COX7C: variants seen among roughly 807,000 people sequenced by gnomAD.
COX7C encodes the protein cytochrome c oxidase subunit 7C.
In COX7C, 1 loss-of-function variant was observed where a neutral mutation model predicts 6.4. That is an observed-to-expected ratio of 0.16 (90% confidence interval 0.06 to 0.74). COX7C has a LOEUF of 0.74. Among genes scored for constraint, COX7C ranks in the 30% least tolerant of loss-of-function variants. The probability of loss-of-function intolerance (pLI) is 0.78; values close to 1 mark genes in which losing one functional copy is unlikely to be tolerated. For synonymous variants in COX7C, 24 were observed against 28.9 expected, an observed-to-expected ratio of 0.83 and a Z score of 0.54; for missense variants, 54 against 73.7, an observed-to-expected ratio of 0.73 and a Z score of 0.98.
rs1750033736 is a variant in COX7C at position 86,618,021 on chromosome 5, T to C, written c.-35T>C. On this transcript the variant is annotated 5_prime_UTR_variant, in exon 1 of 3. Coordinates refer to ENST00000247655, the MANE Select transcript of COX7C (RefSeq NM_001867.3). ...GGTGCCGCCATTTCATCTGTCCTCA[T>C]TCTCTGCGCCTTTCGCAGAGCTTCC... 2 of 1,608,690 alleles carry C rather than the reference T, an allele frequency of 1.2e-6. No individual in the cohort carries two copies. The highest frequency in any genetic ancestry group is 2.2e-5 in the South Asian group (2 of 90,920).
rs1750031687 is a variant in COX7C at position 86,617,974 on chromosome 5, G to A, written c.-82G>A. The stretch of plus-strand genomic sequence containing the variant: ...TCCTTGCGCACCGGGGAACAAGGTC[G>A]TGAAAAAAAAGGTCTTGGTGAGGTG... On this transcript the variant is annotated 5_prime_UTR_variant, in exon 1 of 3. The change creates a new upstream start codon in the 5' untranslated region. Coordinates refer to ENST00000247655, the MANE Select transcript of COX7C (RefSeq NM_001867.3). The A allele has an allele frequency of 1.5e-6, 2 of 1,324,970 alleles. No homozygotes were observed. Among genetic ancestry groups the A allele is most frequent in the Admixed American group, 1.8e-5 (1 of 56,222 alleles). 82.1% of individuals were successfully genotyped at this position (1,324,970 alleles called of 1,614,324 possible).
chr5:86,620,495 G>A (rs555927484), intron 2 of COX7C, 173 bp from the exon 3 acceptor site: 46 of 248,886 alleles, frequency 1.8e-4, no homozygotes, highest in African/African-American at 9.7e-4. Context: ...TACTAATGCG[G>A]AAAGGTTGCG....
At chr5:86,618,338 C>T (rs1046951767) in intron 1 of COX7C, 9 of 546,110 alleles carry the variant, frequency 1.6e-5, no homozygotes, top group Non-Finnish European at 3.0e-5. Context: ...CAGGTAGATC[C>T]GGAAGCCCTG....
rs943989839 is a variant in COX7C at position 86,617,961 on chromosome 5, G to C, written c.-95G>C. On this transcript the variant is annotated 5_prime_UTR_variant, in exon 1 of 3. Coordinates refer to ENST00000247655, the MANE Select transcript of COX7C (RefSeq NM_001867.3). ...TCTTTCTTTTCAGTCCTTGCGCACC[G>C]GGGAACAAGGTCGTGAAAAAAAAGG... 5 of 1,156,786 alleles carry C rather than the reference G, an allele frequency of 4.3e-6. No homozygotes were observed. The highest frequency in any genetic ancestry group is 6.4e-6 in the Non-Finnish European group (5 of 783,772). The allele number at this position is 1,156,786 out of a possible 1,614,324, so 71.7% of individuals were successfully genotyped here.
chr5:86,617,959 C>T lies in COX7C; in HGVS notation c.-97C>T, dbSNP rs1214521376. 3.5e-6 allele frequency: 4 copies of T among 1,142,398 alleles called. No individual in the cohort carries two copies. In the East Asian group the frequency reaches 7.2e-5, roughly 21 times the overall value. 70.8% of individuals were successfully genotyped at this position (1,142,398 alleles called of 1,614,324 possible). On this transcript the variant is annotated 5_prime_UTR_variant, in exon 1 of 3. Coordinates refer to ENST00000247655, the MANE Select transcript of COX7C (RefSeq NM_001867.3). ...CATCTTTCTTTTCAGTCCTTGCGCA[C>T]CGGGGAACAAGGTCGTGAAAAAAAA...
intron 2 of COX7C, 59 bp downstream of exon 2, chr5:86,619,555 C>CCAT (rs1750075986): frequency 1.2e-6 from 1 of 845,014 alleles, no homozygotes. Context: ...AGCCTCTTCC[C>CCAT]CATCACCCAG....
chr5:86,619,637 A>G (rs1338157575), intron 2 of COX7C, 141 bp downstream of exon 2: 1 of 591,642 alleles, frequency 1.7e-6, no homozygotes, highest in Non-Finnish European at 3.0e-6. Context: ...ATTGGTGGAG[A>G]CTAGTTGTAA....
Position 86,619,341 on chromosome 5 carries a change from T to C in COX7C, c.76-12T>C. 8 of 1,553,832 alleles carry C rather than the reference T, an allele frequency of 5.1e-6. No individual in the cohort carries two copies. Among genetic ancestry groups the C allele is most frequent in the Non-Finnish European group, 7.1e-6 (8 of 1,130,994 alleles). On this transcript the variant is annotated splice_polypyrimidine_tract_variant and intron_variant, in intron 1 of 2. Transcript: ENST00000247655. ...TTCAATTTCGATTACTTTTTCTCTT[T>C]TTTTCCAACAGAATTTGCCATTTTC...
chr5:86,620,108 A>G (rs1208894785), intron 2 of COX7C: 1 of 152,360 alleles, frequency 6.6e-6, no homozygotes, highest in East Asian at 1.9e-4. Context: ...TAATTATGCA[A>G]TTGTAAATCT....
intron 1 of COX7C, 134 bp from the exon 2 acceptor site, chr5:86,619,217 CGA>C (rs933541693): frequency 1.1e-5 from 7 of 634,224 alleles, no homozygotes; most frequent in South Asian, 1.8e-5. Flanking sequence ...ATGTTTAAAA[CGA>C]TGTTATGATT....
rs1291698952 is a variant in COX7C at position 86,620,801 on chromosome 5, A to G, written c.*161A>G. On this transcript the variant is annotated 3_prime_UTR_variant, in exon 3 of 3. Transcript: ENST00000247655. ...CCTCTTTTTTGAAATAGGGAATGTA[A>G]TAATTGGCCATTTGCCTACTTTATT... 1 of 248,176 alleles carries G rather than the reference A, an allele frequency of 4.0e-6. No individual in the cohort carries two copies. The highest frequency in any genetic ancestry group is 2.2e-5 in the African/African-American group (1 of 44,718). 15.4% of individuals were successfully genotyped at this position (248,176 alleles called of 1,614,324 possible).
At chr5:86,619,562 C>T (rs942329879) in intron 2 of COX7C, 66 bp downstream of exon 2, 2 of 795,922 alleles carry the variant, frequency 2.5e-6, no homozygotes, top group African/African-American at 3.4e-5. Flanking sequence ...TCCCCATCAC[C>T]CAGAACACAC....
chr5:86,618,208 G>A lies in COX7C; in HGVS notation c.75+78G>A, dbSNP rs1750038419. The A allele has an allele frequency of 4.5e-6, 6 of 1,347,572 alleles. No individual in the cohort carries two copies. The Admixed American group carries it at 5.4e-5, about 12-fold the overall frequency. 83.5% of individuals were successfully genotyped at this position (1,347,572 alleles called of 1,614,324 possible). On this transcript the variant is annotated intron_variant, in intron 1 of 2. Transcript: ENST00000247655. ...CTCGCGCACCTGCAAGGCCGCCTCCGGGCTGTGGCGTGGGAGATGATAGCC... is the reference window on the plus strand; with the variant it reads ...CTCGCGCACCTGCAAGGCCGCCTCCAGGCTGTGGCGTGGGAGATGATAGCC...
intron 1 of COX7C, among the ~76,000 whole-genome samples, chr5:86,618,985 A>G (rs542180606): frequency 1.5e-4 from 23 of 151,860 alleles, no homozygotes; most frequent in Middle Eastern, 3.4e-3. Flanking sequence ...TCTCAAAAAA[A>G]AAAAAAAAGA....
chr5:86,618,031 C>T lies in COX7C; in HGVS notation c.-25C>T. 10 of 1,611,834 alleles carry T rather than the reference C, an allele frequency of 6.2e-6. No individual in the cohort carries two copies. The highest frequency in any genetic ancestry group is 8.5e-6 in the Non-Finnish European group (10 of 1,178,836). On this transcript the variant is annotated 5_prime_UTR_variant, in exon 1 of 3. Coordinates refer to ENST00000247655, the MANE Select transcript of COX7C (RefSeq NM_001867.3). ...TTTCATCTGTCCTCATTCTCTGCGC[C>T]TTTCGCAGAGCTTCCAGCAGCGGTA...
Position 86,618,060 on chromosome 5 carries a change from T to C in COX7C, c.5T>C (p.Leu2Ser), listed in dbSNP as rs752539747. The C allele has an allele frequency of 6.2e-7, 1 of 1,613,708 alleles. No homozygotes were observed. The part of the protein sequence containing the change: M[L>S]GQSIRRFTTS... The stretch of plus-strand genomic sequence containing the variant: ...CGCAGAGCTTCCAGCAGCGGTATGT[T>C]GGGCCAGAGCATCCGGAGGTTCACA... The change falls in exon 1 of 3, where the codon TTG becomes TCG. Residue 2 changes from leucine (L) to serine (S), a missense_variant. Transcript: ENST00000247655.
At position 86,619,497 on chromosome 5, in the gene COX7C, GTAGT is replaced by G. The variant is rs755183030; in HGVS notation, c.*27+6_*27+9del. 57 of 1,398,302 alleles carry G rather than the reference GTAGT, an allele frequency of 4.1e-5. No individual in the cohort carries two copies. The Admixed American group carries it at 6.4e-4, about 16-fold the overall frequency. The allele number at this position is 1,398,302 out of a possible 1,614,324, so 86.6% of individuals were successfully genotyped here. On this transcript the variant is annotated splice_donor_variant and splice_donor_5th_base_variant and intron_variant, in intron 2 of 2. Transcript: ENST00000247655. LOFTEE classifies it low-confidence loss of function (3UTR_SPLICE). ...ATGTTTCAGTTCCTCCATTTAACAG[GTAGT>G]TAGTGGATTTCTAATCATGTTAAAG...
At position 86,618,146 on chromosome 5, in the gene COX7C, G is replaced by T; in HGVS notation, c.75+16G>T. On this transcript the variant is annotated intron_variant, in intron 1 of 2. Coordinates refer to ENST00000247655, the MANE Select transcript of COX7C (RefSeq NM_001867.3). The stretch of plus-strand genomic sequence containing the variant: ...CCCTGGGAAGGTTAGTGTGTAAGGG[G>T]CACGGCTTCGTTGGGGGAGGGGGCG... 1.9e-6 allele frequency: 3 copies of T among 1,613,442 alleles called. No individual in the cohort carries two copies. Among genetic ancestry groups the T allele is most frequent in the Non-Finnish European group, 2.5e-6 (3 of 1,179,454 alleles).
At position 86,620,913 on chromosome 5, in the gene COX7C, G is replaced by A. The variant is rs898907784; in HGVS notation, c.*273G>A. 1.3e-5 allele frequency: 2 copies of A among 152,876 alleles called. No homozygotes were observed. The highest frequency in any genetic ancestry group is 4.8e-5 in the African/African-American group (2 of 41,300). 9.5% of individuals were successfully genotyped at this position (152,876 alleles called of 1,614,324 possible). ...GGTTATATTAAATTTTTGATTCCCAGGTCAGGATTTTGTTGGTAATTTATA... is the reference window on the plus strand; with the variant it reads ...GGTTATATTAAATTTTTGATTCCCAAGTCAGGATTTTGTTGGTAATTTATA... On this transcript the variant is annotated 3_prime_UTR_variant, in exon 3 of 3. Coordinates refer to ENST00000247655, the MANE Select transcript of COX7C (RefSeq NM_001867.3).
Sources: gnomAD v4.1 joint callset for allele counts (sites outside exome capture counted in the v4.1 genomes callset) on GRCh38, gnomAD v4.1.1 for gene constraint, MANE v1.5 for transcripts, NCBI Gene and HGNC (gene_info 2026-07-23, HGNC 2026-07-21) for gene names.